Variants in TXNRD1 observed in about 807,000 individuals in gnomAD.
TXNRD1 encodes the protein thioredoxin reductase 1, cytoplasmic.
Under a neutral mutation model 80.3 loss-of-function variants are expected in TXNRD1, and 57 were observed. The ratio of observed to expected loss-of-function variants is 0.71; its 90% confidence interval spans 0.57 to 0.89. TXNRD1 has a LOEUF of 0.89. Ranked by LOEUF, TXNRD1 falls within the 40% of genes least tolerant of loss-of-function variation. The probability of loss-of-function intolerance (pLI) is 0.00; values close to 1 mark genes in which losing one functional copy is unlikely to be tolerated. For missense variants in TXNRD1, 730 were observed against 803.0 expected (o/e 0.91, Z 1.10); for synonymous variants, 291 against 285.2 (o/e 1.02, Z -0.20).
chr12:104,304,933 C>A (rs2034831743), intron 4 of TXNRD1: 1 of 1,582,206 alleles, frequency 6.3e-7, no homozygotes, highest in Admixed American at 1.9e-5. Flanking sequence ...ACTCCTCATA[C>A]TAAAGATTTC....
At chr12:104,322,860 T>G (rs2135836425) in intron 10 of TXNRD1, among the ~76,000 whole-genome samples, 1 of 148,826 alleles carries the variant, frequency 6.7e-6, no homozygotes, top group South Asian at 2.2e-4. Context: ...GAGGGGGATT[T>G]GGCAGGGTCA....
chr12:104,267,721 C>CTTTCTCTCTCTCTTTCTTTCTTTT (rs1555209319), intron 3 of TXNRD1, among the ~76,000 whole-genome samples: 2 of 84,700 alleles, frequency 2.4e-5, no homozygotes, highest in Non-Finnish European at 5.7e-5. Context: ...TTCTTTCTTT[C>CTTTCTCTCTCTCTTTCTTTCTTTT]TCTTTCTTTC....
intron 3 of TXNRD1, chr12:104,286,227 T>C (rs888125613): frequency 6.6e-5 from 10 of 152,196 alleles, no homozygotes; most frequent in Admixed American, 1.3e-4. Flanking sequence ...CAAATATTCA[T>C]AGCCTGCTAG....
intron 4 of TXNRD1, among the ~76,000 whole-genome samples, chr12:104,291,733 C>T (rs1460451006): frequency 6.6e-6 from 1 of 152,180 alleles, no homozygotes; most frequent in Non-Finnish European, 1.5e-5. Context: ...CCACCCACTT[C>T]GGCCTTCCAA....
intron 12 of TXNRD1, 51 bp downstream of exon 12, chr12:104,326,474 T>A: frequency 7.8e-7 from 1 of 1,283,922 alleles, no homozygotes; most frequent in Non-Finnish European, 1.1e-6. Flanking sequence ...TTTTTTTTTT[T>A]TTTTTTTTGA....
At chr12:104,301,927 C>T (rs35663878) in intron 4 of TXNRD1, among the ~76,000 whole-genome samples, 17 of 152,160 alleles carry the variant, frequency 1.1e-4, no homozygotes, top group South Asian at 2.1e-4. Context: ...ATTAATTCCA[C>T]GAATCTGTGA....
At chr12:104,252,288 A>C (rs1328366653) in intron 2 of TXNRD1, among the ~76,000 whole-genome samples, 1 of 152,020 alleles carries the variant, frequency 6.6e-6, no homozygotes, top group Admixed American at 6.6e-5. Flanking sequence ...AATATTTCAT[A>C]AGGAATGGTT....
At chr12:104,221,920 G>C (rs935562465) in intron 1 of TXNRD1, among the ~76,000 whole-genome samples, 1 of 152,182 alleles carries the variant, frequency 6.6e-6, no homozygotes, top group African/African-American at 2.4e-5. Flanking sequence ...CAGGCAGGTA[G>C]TAAACAGCAG....
intron 3 of TXNRD1, among the ~76,000 whole-genome samples, chr12:104,278,050 T>G (rs1156232572): frequency 6.7e-6 from 1 of 149,124 alleles, no homozygotes; most frequent in East Asian, 2.0e-4. Context: ...CTAATTTTTT[T>G]GTATTTTTAG....
At chr12:104,344,673 T>A (rs979346369) in intron 16 of TXNRD1, among the ~76,000 whole-genome samples, 7 of 152,226 alleles carry the variant, frequency 4.6e-5, no homozygotes, top group African/African-American at 1.7e-4. Flanking sequence ...ATAGAACATA[T>A]TCCTCCTATC....
At chr12:104,321,052 C>A in intron 9 of TXNRD1, 39 bp from the exon 10 acceptor site, 3 of 1,409,762 alleles carry the variant, frequency 2.1e-6, no homozygotes, top group Non-Finnish European at 2.9e-6. Flanking sequence ...TAGGAACTTT[C>A]TTTTTCTTCT....
chr12:104,262,794 T>C (rs1454927258), intron 3 of TXNRD1, among the ~76,000 whole-genome samples: 1 of 152,126 alleles, frequency 6.6e-6, no homozygotes, highest in Non-Finnish European at 1.5e-5. Context: ...TTTTTCTTTT[T>C]TTTCCCAGCA....
intron 16 of TXNRD1, among the ~76,000 whole-genome samples, chr12:104,343,515 A>C (rs1351357425): frequency 6.6e-6 from 1 of 152,154 alleles, no homozygotes; most frequent in African/African-American, 2.4e-5. Context: ...AAATAAAGTA[A>C]GAGGCCAGGC....
intron 1 of TXNRD1, among the ~76,000 whole-genome samples, chr12:104,226,600 T>G (rs891363829): frequency 3.3e-5 from 5 of 152,218 alleles, no homozygotes; most frequent in Admixed American, 3.3e-4. Context: ...AACGGAATTC[T>G]AGTTTCTGTT....
At chr12:104,231,079 AGCCCGGTCTTCCCT>A (rs2032612030) in intron 1 of TXNRD1, among the ~76,000 whole-genome samples, 2 of 152,252 alleles carry the variant, frequency 1.3e-5, no homozygotes, top group African/African-American at 4.8e-5. Flanking sequence ...CGGCTCTAAG[AGCCCGGTCTTCCCT>A]GCTAGACAAG....
chr12:104,273,040 G>A (rs1176080824), intron 3 of TXNRD1, among the ~76,000 whole-genome samples: 3 of 152,004 alleles, frequency 2.0e-5, no homozygotes, highest in South Asian at 2.1e-4. Context: ...CTCCGGCTGC[G>A]GCTGCGAAAG....
intron 4 of TXNRD1, among the ~76,000 whole-genome samples, chr12:104,295,171 G>A (rs1000470833): frequency 2.0e-5 from 3 of 152,172 alleles, no homozygotes; most frequent in Admixed American, 1.3e-4. Flanking sequence ...TTGTAGAGTC[G>A]TGTTGAGCTC....
chr12:104,342,850 C>T (rs1384197787), intron 16 of TXNRD1, among the ~76,000 whole-genome samples: 1 of 152,040 alleles, frequency 6.6e-6, no homozygotes, highest in Non-Finnish European at 1.5e-5. Flanking sequence ...CGGGACTGAG[C>T]GAGCAAGTGA....
At position 104,287,048 on chromosome 12, in the gene TXNRD1, C is replaced by T. The variant is rs1351076549; in HGVS notation, c.305-1883C>T. On this transcript the variant is annotated intron_variant, in intron 3 of 16. Coordinates refer to ENST00000525566, the MANE Select transcript of TXNRD1 (RefSeq NM_001093771.3). The stretch of plus-strand genomic sequence containing the variant: ...GTTTTCTTCACTCCGGCATTTGCAG[C>T]AGAGCGAAAGGTGGTCGAGTCCTGA... 6 of 1,400,478 alleles carry T rather than the reference C, an allele frequency of 4.3e-6. No homozygotes were observed. The East Asian group carries it at 1.6e-4, about 37-fold the overall frequency. The allele number at this position is 1,400,478 out of a possible 1,614,324, so 86.8% of individuals were successfully genotyped here. A position where few individuals can be genotyped will look rare whatever the true frequency, so the allele number is the denominator to read the frequency against.
Sources: gnomAD v4.1 joint callset for allele counts (sites outside exome capture counted in the v4.1 genomes callset) on GRCh38, gnomAD v4.1.1 for gene constraint, MANE v1.5 for transcripts, NCBI Gene and HGNC (gene_info 2026-07-23, HGNC 2026-07-21) for gene names.